Variants in MLIP observed in about 807,000 individuals in gnomAD.
The protein encoded by MLIP is muscular LMNA-interacting protein.
In MLIP, 79 loss-of-function variants were observed where a neutral mutation model predicts 84.8. The ratio of observed to expected loss-of-function variants is 0.93; its 90% CI spans 0.78 to 1.12. MLIP has a LOEUF of 1.12. MLIP is among the 50% of genes most tolerant of loss of function. MLIP has a pLI of 0.00. For missense variants in MLIP, 1,257 were observed against 1,160.6 expected (o/e 1.08, Z -1.21); for synonymous variants, 504 against 463.0 (o/e 1.09, Z -1.14).
chr6:54,262,321 C>G (rs1384726734), intron 13 of MLIP, among the ~76,000 whole-genome samples: 1 of 152,012 alleles, frequency 6.6e-6, no homozygotes, highest in Non-Finnish European at 1.5e-5. Flanking sequence ...TGCTAATAGA[C>G]TGCAAAGACG....
chr6:54,073,479 T>G (rs1766607182), intron 1 of MLIP, among the ~76,000 whole-genome samples: 1 of 152,198 alleles, frequency 6.6e-6, no homozygotes, highest in Non-Finnish European at 1.5e-5. Flanking sequence ...ATTTACTTTT[T>G]TTCGGTTAGT....
Position 54,124,550 on chromosome 6 carries a change from A to G in MLIP, c.330A>G (p.Ser110=), listed in dbSNP as rs772818926. The G allele has an allele frequency of 6.2e-7, 1 of 1,614,214 alleles. No homozygotes were observed. Among genetic ancestry groups the G allele is most frequent in the Admixed American group, 1.7e-5 (1 of 60,028 alleles). The stretch of plus-strand genomic sequence containing the variant: ...ACCAAGCGAAATTGACTTGTCCTTC[A>G]GAGGTCAGTGGAACGATTTTACAAG... ...ERDQAKLTCP[S]EVSGTILQER... The change falls in exon 3 of 14, where the codon TCA becomes TCG. Residue 110 remains serine (S), a synonymous_variant. Coordinates refer to ENST00000502396, the MANE Select transcript of MLIP (RefSeq NM_001281747.2).
At chr6:54,248,569 A>G (rs925609586) in intron 12 of MLIP, among the ~76,000 whole-genome samples, 3 of 152,178 alleles carry the variant, frequency 2.0e-5, no homozygotes, top group African/African-American at 7.2e-5. Flanking sequence ...TTGTTTTTAA[A>G]TAGGCTGGAC....
chr6:54,265,819 G>A (rs1783653375), intron 13 of MLIP, 131 bp from the exon 14 acceptor site: 2 of 753,350 alleles, frequency 2.7e-6, no homozygotes, highest in Non-Finnish European at 4.4e-6. Context: ...ATAAAAATAA[G>A]CTTTTCCTAT....
intron 1 of MLIP, among the ~76,000 whole-genome samples, chr6:54,115,221 A>T (rs150686458): frequency 6.6e-6 from 1 of 152,158 alleles, no homozygotes; most frequent in Non-Finnish European, 1.5e-5. Context: ...TTCCTGGTTC[A>T]GAAATAGAGT....
intron 1 of MLIP, among the ~76,000 whole-genome samples, chr6:54,098,398 C>T (rs1251627691): frequency 1.3e-5 from 2 of 149,078 alleles, no homozygotes; most frequent in Non-Finnish European, 3.0e-5. Flanking sequence ...AACTCCTGGC[C>T]TCAAGTGATC....
chr6:54,222,764 A>G (rs576497395), intron 11 of MLIP, among the ~76,000 whole-genome samples: 1 of 152,156 alleles, frequency 6.6e-6, no homozygotes, highest in East Asian at 1.9e-4. Flanking sequence ...TTTTTATGGT[A>G]GCCATATTTT....
At chr6:54,097,802 A>G (rs1252186615) in intron 1 of MLIP, among the ~76,000 whole-genome samples, 1 of 152,188 alleles carries the variant, frequency 6.6e-6, no homozygotes, top group Non-Finnish European at 1.5e-5. Context: ...TAAATGGCCT[A>G]TTATATATAA....
At chr6:54,031,872 G>C (rs1764161497) in intron 1 of MLIP, among the ~76,000 whole-genome samples, 1 of 152,140 alleles carries the variant, frequency 6.6e-6, no homozygotes, top group Admixed American at 6.5e-5. Flanking sequence ...CTAAATGCTG[G>C]CATGCTTGTT....
intron 12 of MLIP, among the ~76,000 whole-genome samples, chr6:54,253,973 T>C (rs978681198): frequency 1.6e-4 from 24 of 150,568 alleles, no homozygotes; most frequent in African/African-American, 5.8e-4. Context: ...TATCAGTAAC[T>C]TTTTAGTTAT....
rs1770441018 is a variant in MLIP, at chr6:54,121,435, C to T, written c.97-12C>T. 6.2e-7 allele frequency: 1 copy of T among 1,612,758 alleles called. No homozygotes were observed. The highest frequency in any genetic ancestry group is 1.1e-5 in the South Asian group (1 of 90,588). On this transcript the variant is annotated splice_polypyrimidine_tract_variant and intron_variant, in intron 1 of 13. Coordinates refer to ENST00000502396, the MANE Select transcript of MLIP (RefSeq NM_001281747.2). ...ACAAGGCTGAAAGTCTAATTAACTA[C>T]ATGTCTCATAGGTCTCTGCTGGTGG...
chr6:54,245,240 G>A (rs553574989), intron 12 of MLIP, among the ~76,000 whole-genome samples: 31 of 152,254 alleles, frequency 2.0e-4, no homozygotes, highest in South Asian at 8.3e-4. Context: ...TATTGAGGGA[G>A]GGTTCTTCAG....
intron 12 of MLIP, among the ~76,000 whole-genome samples, chr6:54,256,161 G>A (rs1782991640): frequency 6.6e-6 from 1 of 152,148 alleles, no homozygotes; most frequent in Non-Finnish European, 1.5e-5. Flanking sequence ...TTATAGTTGG[G>A]AACAGAGTGT....
At chr6:54,030,325 G>T (rs1211570285) in intron 1 of MLIP, among the ~76,000 whole-genome samples, 1 of 152,140 alleles carries the variant, frequency 6.6e-6, no homozygotes, top group Non-Finnish European at 1.5e-5. Context: ...AAAAATAAAT[G>T]CTAAATTGTG....
intron 1 of MLIP, among the ~76,000 whole-genome samples, chr6:54,035,530 A>AAGGGAATT (rs983830424): frequency 6.6e-6 from 1 of 152,078 alleles, no homozygotes; most frequent in African/African-American, 2.4e-5. Context: ...TTTAGTTTTA[A>AAGGGAATT]AGGGAATTGT....
At chr6:54,117,399 A>G (rs999930468) in intron 1 of MLIP, among the ~76,000 whole-genome samples, 1 of 151,008 alleles carries the variant, frequency 6.6e-6, no homozygotes, top group African/African-American at 2.4e-5. Context: ...TATTTTTAGT[A>G]GAGAAGGGGT....
chr6:54,264,815 C>T (rs1783593440), intron 13 of MLIP, among the ~76,000 whole-genome samples: 1 of 152,026 alleles, frequency 6.6e-6, no homozygotes, highest in African/African-American at 2.4e-5. Flanking sequence ...TTACTTTTTG[C>T]CTGTTGATTT....
At chr6:54,023,251 T>A (rs562357220) in intron 1 of MLIP, among the ~76,000 whole-genome samples, 1 of 151,552 alleles carries the variant, frequency 6.6e-6, no homozygotes, top group Non-Finnish European at 1.5e-5. Context: ...CTTGGTACAA[T>A]CAAATCAACA....
chr6:54,031,058 T>C (rs1258024390), intron 1 of MLIP, among the ~76,000 whole-genome samples: 2 of 152,298 alleles, frequency 1.3e-5, no homozygotes, highest in Non-Finnish European at 2.9e-5. Flanking sequence ...TTATAGATCA[T>C]GCATGTTGAC....
Sources: gnomAD v4.1 joint callset for allele counts (sites outside exome capture counted in the v4.1 genomes callset) on GRCh38, gnomAD v4.1.1 for gene constraint, MANE v1.5 for transcripts, NCBI Gene and HGNC (gene_info 2026-07-23, HGNC 2026-07-21) for gene names.